The following DPYSL5 variants were observed in gnomAD, a reference collection of about 807,000 sequenced individuals.
The protein encoded by DPYSL5 is dihydropyrimidinase-related protein 5.
A neutral mutation model predicts 58.4 loss-of-function variants in DPYSL5; 9 were observed. The observed-to-expected ratio is 0.15, with a 90% CI of 0.09 to 0.27. The LOEUF (loss-of-function observed/expected upper bound fraction) is 0.27. Ranked by LOEUF, DPYSL5 falls within the 10% of genes least tolerant of loss-of-function variation. The probability of loss-of-function intolerance (pLI) is 1.00; values close to 1 mark genes in which losing one functional copy is unlikely to be tolerated. For missense variants in DPYSL5, 499 were observed against 770.6 expected, an observed-to-expected ratio of 0.65 and a Z score of 4.17; for synonymous variants, 293 against 301.9, an observed-to-expected ratio of 0.97 and a Z score of 0.31.
chr2:26,940,133 C>A lies in DPYSL5; in HGVS notation c.1050C>A (p.Gly350=). The A allele has an allele frequency of 6.2e-7, 1 of 1,614,150 alleles. No homozygotes were observed. The highest frequency in any genetic ancestry group is 1.3e-5 in the African/African-American group (1 of 75,040). Residue 350 remains glycine, a synonymous_variant, in exon 9 of 13, where the codon GGC becomes GGA. Coordinates refer to ENST00000288699, the MANE Select transcript of DPYSL5 (RefSeq NM_020134.4). ...CCAAGATCCCACATGGAGTGAGTGG[C>A]GTGCAGGACCGCATGAGCGTCATCT... is the stretch of plus-strand genomic sequence containing the variant. ...DFTKIPHGVS[G]VQDRMSVIWE...
intron 2 of DPYSL5, among the ~76,000 whole-genome samples, chr2:26,915,661 G>A (rs966405180): frequency 5.3e-5 from 8 of 152,070 alleles, no homozygotes; most frequent in African/African-American, 1.2e-4. Flanking sequence ...TTGACTCTGC[G>A]GTGCATTTTC....
At chr2:26,926,245 T>G (rs1001126795) in intron 3 of DPYSL5, among the ~76,000 whole-genome samples, 3 of 152,202 alleles carry the variant, frequency 2.0e-5, no homozygotes, top group Non-Finnish European at 4.4e-5. Flanking sequence ...CTCCCGGTTC[T>G]GGGCCAGAGG....
At position 26,898,586 on chromosome 2, in the gene DPYSL5, C is replaced by T. The variant is rs1419029031; in HGVS notation, c.87C>T (p.Tyr29=). 6.2e-7 allele frequency: 1 copy of T among 1,614,202 alleles called. No homozygotes were observed. The highest frequency in any genetic ancestry group is 8.5e-7 in the Non-Finnish European group (1 of 1,180,028). Residue 29 remains tyrosine, a synonymous_variant, in exon 2 of 13, where the codon TAC becomes TAT. Coordinates refer to ENST00000288699, the MANE Select transcript of DPYSL5 (RefSeq NM_020134.4). This position sits in a 1 kb window ranked among gnomAD's most constrained non-coding sequence, Gnocchi z 6.1. ...NDDCTHEADV[Y]IENGIIQQVG... ...ACTGCACCCACGAGGCTGACGTCTACATCGAGAATGGCATCATCCAGCAGG... is the reference window on the plus strand; with the variant it reads ...ACTGCACCCACGAGGCTGACGTCTATATCGAGAATGGCATCATCCAGCAGG...
chr2:26,869,866 C>T (rs1286242153), intron 1 of DPYSL5, among the ~76,000 whole-genome samples: 1 of 152,060 alleles, frequency 6.6e-6, no homozygotes, highest in Non-Finnish European at 1.5e-5. Context: ...AAAAAATCAG[C>T]CGGGCGTGGT....
rs566152367 is a variant in DPYSL5, at chr2:26,876,344, C to T, written c.-4-22152C>T. ...CCCTCACTGGGTGCGTCCCAGTGCA[C>T]GGTGGAGTGGGGGTGCCTCTCACTG... On this transcript the variant is annotated intron_variant, in intron 1 of 12. Transcript: ENST00000288699. Among the ~76,000 whole-genome samples, 7 of 152,200 alleles carry T rather than the reference C, an allele frequency of 4.6e-5. No individual in the cohort carries two copies. The South Asian group carries it at 8.3e-4, about 18-fold the overall frequency.
rs759120109 is a variant in DPYSL5 at position 26,924,895 on chromosome 2, C to T, written c.270C>T (p.Leu90=). Residue 90 remains leucine (L), a synonymous_variant, in exon 3 of 13, where the codon CTC becomes CTT. Coordinates refer to ENST00000288699, the MANE Select transcript of DPYSL5 (RefSeq NM_020134.4). The surrounding 1 kb of genome is among the most constrained non-coding windows in gnomAD (Gnocchi z 4.7). ...DDFYHGTKAA[L]VGGTTMIIGH... ...TTTTCCCGTCTTCCCAGGCAGCACTCGTCGGAGGCACCACCATGATCATCG... is the reference window on the plus strand; with the variant it reads ...TTTTCCCGTCTTCCCAGGCAGCACTTGTCGGAGGCACCACCATGATCATCG... 2 of 1,613,668 alleles carry T rather than the reference C, an allele frequency of 1.2e-6. No homozygotes were observed. The highest frequency in any genetic ancestry group is 8.5e-7 in the Non-Finnish European group (1 of 1,179,856).
intron 12 of DPYSL5, among the ~76,000 whole-genome samples, chr2:26,945,737 G>A (rs1353962756): frequency 6.6e-6 from 1 of 152,240 alleles, no homozygotes; most frequent in African/African-American, 2.4e-5. Flanking sequence ...GGGCTGTGCT[G>A]GGATGGGTAC....
rs76775141 is a variant in DPYSL5, at chr2:26,895,350, T to C, written c.-4-3146T>C. ...ACACCATGTTGAGTCTTCCAATCCA[T>C]GAACATGGTATGTCTCTCCACTTAC... On this transcript the variant is annotated intron_variant, in intron 1 of 12. Transcript: ENST00000288699. 5.2e-3 allele frequency among the ~76,000 whole-genome samples: 794 copies of C among 152,372 alleles called. 2 individuals carry two copies. The highest frequency in any genetic ancestry group is 8.4e-3 in the Non-Finnish European group (574 of 68,026).
Position 26,927,414 on chromosome 2 carries a change from T to C in DPYSL5, c.582T>C (p.Asn194=), listed in dbSNP as rs2148160539. 1 of 1,613,898 alleles carries C rather than the reference T, an allele frequency of 6.2e-7. No individual in the cohort carries two copies. Among genetic ancestry groups the C allele is most frequent in the Non-Finnish European group, 8.5e-7 (1 of 1,179,942 alleles). Residue 194 remains asparagine (N), a synonymous_variant, in exon 4 of 13, where the codon AAT becomes AAC. Coordinates refer to ENST00000288699, the MANE Select transcript of DPYSL5 (RefSeq NM_020134.4). This position sits in a 1 kb window ranked among gnomAD's most constrained non-coding sequence, Gnocchi z 4.3. ...IGAIARVHAE[N]GELVAEGAKE... is the part of the protein sequence containing the mutation. Reference sequence around the variant, plus strand: ...CAATCGCCCGCGTCCATGCTGAAAATGGGGAGCTTGTGGCCGAGGCAAGTC... The same window carrying C: ...CAATCGCCCGCGTCCATGCTGAAAACGGGGAGCTTGTGGCCGAGGCAAGTC...
intron 1 of DPYSL5, among the ~76,000 whole-genome samples, chr2:26,856,876 T>C (rs1460003958): frequency 7.0e-6 from 1 of 143,136 alleles, no homozygotes; most frequent in Non-Finnish European, 1.5e-5. Context: ...AATCTATCAG[T>C]TAAAAAAATT....
intron 1 of DPYSL5, among the ~76,000 whole-genome samples, chr2:26,889,365 G>T (rs1663811659): frequency 6.6e-6 from 1 of 151,996 alleles, no homozygotes; most frequent in Non-Finnish European, 1.5e-5. Flanking sequence ...TGCCTCCCGG[G>T]TTCACGCCAT....
chr2:26,912,048 G>A (rs1483656884), intron 2 of DPYSL5, among the ~76,000 whole-genome samples: 1 of 152,216 alleles, frequency 6.6e-6, no homozygotes, highest in Non-Finnish European at 1.5e-5. Flanking sequence ...CCTGAGGTTA[G>A]GCGTCCATCC....
chr2:26,932,997 G>A (rs1665073625), intron 6 of DPYSL5, among the ~76,000 whole-genome samples: 1 of 152,164 alleles, frequency 6.6e-6, no homozygotes, highest in African/African-American at 2.4e-5. Flanking sequence ...CAGACTTGAC[G>A]GTCTTGAACT....
At chr2:26,917,423 G>T (rs1664592515) in intron 2 of DPYSL5, among the ~76,000 whole-genome samples, 1 of 152,196 alleles carries the variant, frequency 6.6e-6, no homozygotes, top group Non-Finnish European at 1.5e-5. Flanking sequence ...AGGGCTGTTT[G>T]TAGCCAGAGG....
chr2:26,868,464 TTA>T (rs1335170735), intron 1 of DPYSL5, among the ~76,000 whole-genome samples: 1 of 152,208 alleles, frequency 6.6e-6, no homozygotes, highest in African/African-American at 2.4e-5. Flanking sequence ...TTTTATTGTT[TTA>T]TGTTTTACAT....
chr2:26,889,834 A>C lies in DPYSL5; in HGVS notation c.-4-8662A>C, dbSNP rs1183978177. Among the ~76,000 whole-genome samples the C allele has an allele frequency of 2.0e-5, 3 of 152,174 alleles. No homozygotes were observed. In the East Asian group the frequency reaches 5.8e-4, roughly 29 times the overall value. On this transcript the variant is annotated intron_variant, in intron 1 of 12. Coordinates refer to ENST00000288699, the MANE Select transcript of DPYSL5 (RefSeq NM_020134.4). Reference sequence around the variant, plus strand: ...TCACTATGTTCATACACATGTGCACACACAGACAGCCTGTGCTGCAGAGAC... The same window carrying C: ...TCACTATGTTCATACACATGTGCACCCACAGACAGCCTGTGCTGCAGAGAC...
At chr2:26,921,522 G>A (rs1294387043) in intron 2 of DPYSL5, among the ~76,000 whole-genome samples, 1 of 152,158 alleles carries the variant, frequency 6.6e-6, no homozygotes, top group Non-Finnish European at 1.5e-5. Context: ...TTTTGTGGGG[G>A]ATGACACTAA....
chr2:26,889,188 C>A (rs1663806509), intron 1 of DPYSL5, among the ~76,000 whole-genome samples: 1 of 152,096 alleles, frequency 6.6e-6, no homozygotes, highest in Non-Finnish European at 1.5e-5. Flanking sequence ...GTCTGCTACA[C>A]AATTATTGTG....
In DPYSL5 at chr2:26,924,146, G is replaced by A. The variant is rs781483573; in HGVS notation, c.262-741G>A. Among the ~76,000 whole-genome samples the A allele has an allele frequency of 1.3e-5, 2 of 152,148 alleles. No homozygotes were observed. The highest frequency in any genetic ancestry group is 2.4e-5 in the African/African-American group (1 of 41,434). On this transcript the variant is annotated intron_variant, in intron 2 of 12. Coordinates refer to ENST00000288699, the MANE Select transcript of DPYSL5 (RefSeq NM_020134.4). The surrounding 1 kb of genome is among the most constrained non-coding windows in gnomAD (Gnocchi z 4.7). ...TCCTGGGGGTTCACTCTATGATTGC[G>A]AGTGAGGCTTTTTAACAATTTCTTT...
Sources: allele counts gnomAD v4.1 joint callset (sites outside exome capture counted in the v4.1 genomes callset), GRCh38; gene constraint gnomAD v4.1.1; non-coding constraint Gnocchi (gnomAD v3.1); transcripts MANE v1.5; gene names NCBI Gene and HGNC (gene_info 2026-07-23, HGNC 2026-07-21).